Variants in GNG7 observed in about 807,000 individuals in gnomAD.
GNG7 encodes guanine nucleotide-binding protein G(I)/G(S)/G(O) subunit gamma-7.
In GNG7, 1 loss-of-function variant was observed where a neutral mutation model predicts 4.0. That is an observed-to-expected ratio of 0.25 (90% CI 0.09 to 1.18). GNG7 has a LOEUF of 1.18. Among genes scored for constraint, GNG7 ranks in the 50% most tolerant of loss-of-function variants. The probability of loss-of-function intolerance (pLI) is 0.50; values close to 1 mark genes in which losing one functional copy is unlikely to be tolerated. For synonymous variants in GNG7, 34 were observed against 36.9 expected (o/e 0.92, Z 0.29); for missense variants, 86 against 91.9 (o/e 0.94, Z 0.26).
intron 2 of GNG7, among the ~76,000 whole-genome samples, chr19:2,613,243 G>A (rs1456562949): frequency 5.9e-5 from 9 of 152,210 alleles, no homozygotes; most frequent in Admixed American, 5.2e-4. Context: ...AATTAGGTGA[G>A]TTTGCTTGAA....
At chr19:2,543,661 C>G (rs1323560992) in intron 3 of GNG7, among the ~76,000 whole-genome samples, 2 of 152,154 alleles carry the variant, frequency 1.3e-5, no homozygotes, top group Non-Finnish European at 1.5e-5. Flanking sequence ...GGCCAGCGGG[C>G]GTTTGCTCTC....
chr19:2,557,839 A>T lies in GNG7; in HGVS notation c.-77-2651T>A, dbSNP rs575832471. ...GGGTGACTCGGTGCATTTCTCTCTC[A>T]GGCTTACTTTTTTTCTCTTTGAGAC... On this transcript the variant is annotated intron_variant, in intron 2 of 4. Coordinates refer to ENST00000382159, the MANE Select transcript of GNG7 (RefSeq NM_052847.3). The surrounding 1 kb of genome is among the most constrained non-coding windows in gnomAD (Gnocchi z 5.1). 8.8e-4 allele frequency among the ~76,000 whole-genome samples: 134 copies of T among 152,076 alleles called. 2 individuals carry two copies. The highest frequency in any genetic ancestry group is 3.0e-3 in the African/African-American group (125 of 41,508).
intron 1 of GNG7, among the ~76,000 whole-genome samples, chr19:2,691,129 C>G (rs962219650): frequency 1.3e-5 from 2 of 152,128 alleles, no homozygotes; most frequent in Non-Finnish European, 2.9e-5. Flanking sequence ...TGTATGGGAA[C>G]TTTCTGTTCT....
chr19:2,557,165 C>T lies in GNG7; in HGVS notation c.-77-1977G>A, dbSNP rs569870273. Among the ~76,000 whole-genome samples, 7 of 151,894 alleles carry T rather than the reference C, an allele frequency of 4.6e-5. No individual in the cohort carries two copies. The highest frequency in any genetic ancestry group is 4.2e-4 in the South Asian group (2 of 4,806). ...TCACGCACATGCACACAAAGACACG[C>T]GCACACACGTACACACAAGACACGT... On this transcript the variant is annotated intron_variant, in intron 2 of 4. Coordinates refer to ENST00000382159, the MANE Select transcript of GNG7 (RefSeq NM_052847.3). The surrounding 1 kb of genome is among the most constrained non-coding windows in gnomAD (Gnocchi z 5.1).
chr19:2,636,394 A>G (rs77800456), intron 2 of GNG7, among the ~76,000 whole-genome samples: 3,321 of 152,164 alleles, frequency 0.022, 112 homozygotes, highest in African/African-American at 0.076. Flanking sequence ...CACCCTGAGG[A>G]GCATGACATC....
intron 1 of GNG7, among the ~76,000 whole-genome samples, chr19:2,664,112 C>T (rs964331614): frequency 8.5e-5 from 13 of 152,196 alleles, no homozygotes; most frequent in African/African-American, 2.2e-4. Flanking sequence ...CCCCCAGGCC[C>T]GGCTGCACTT....
At chr19:2,627,528 C>T (rs1982051225) in intron 2 of GNG7, among the ~76,000 whole-genome samples, 1 of 152,222 alleles carries the variant, frequency 6.6e-6, no homozygotes, top group Admixed American at 6.5e-5. Flanking sequence ...AAACACCCAC[C>T]CAGGCGTGCC....
At chr19:2,659,406 A>G (rs1040121259) in intron 1 of GNG7, among the ~76,000 whole-genome samples, 2 of 150,784 alleles carry the variant, frequency 1.3e-5, no homozygotes, top group African/African-American at 4.8e-5. Context: ...CCTGGCCAAC[A>G]TGGCAAAACT....
At chr19:2,597,362 C>T (rs1023095974) in intron 2 of GNG7, among the ~76,000 whole-genome samples, 5 of 152,140 alleles carry the variant, frequency 3.3e-5, no homozygotes, top group Admixed American at 6.6e-5. Context: ...TGTGGGAGGC[C>T]GAGGCAGGCG....
chr19:2,524,919 C>T (rs1363048118), intron 3 of GNG7, among the ~76,000 whole-genome samples: 1 of 152,076 alleles, frequency 6.6e-6, no homozygotes, highest in Admixed American at 6.6e-5. Flanking sequence ...CGTGTGTGTG[C>T]GCACGGGAGT....
chr19:2,520,464 G>C (rs898841493), intron 4 of GNG7, 144 bp downstream of exon 4: 2 of 565,500 alleles, frequency 3.5e-6, no homozygotes, highest in African/African-American at 3.8e-5. Flanking sequence ...GAGGCTCAGA[G>C]AGGTTAAGGG....
At chr19:2,543,897 C>T (rs1479640396) in intron 3 of GNG7, among the ~76,000 whole-genome samples, 1 of 152,182 alleles carries the variant, frequency 6.6e-6, no homozygotes, top group Non-Finnish European at 1.5e-5. Context: ...CAGAAGCAAC[C>T]TTCATCTGGC....
At chr19:2,542,881 C>CATT (rs538140136) in intron 3 of GNG7, among the ~76,000 whole-genome samples, 4 of 118,350 alleles carry the variant, frequency 3.4e-5, no homozygotes, top group Non-Finnish European at 5.1e-5. Flanking sequence ...TGCTGTTTTC[C>CATT]TTTTTTTTTT....
At chr19:2,548,721 G>A (rs1389936420) in intron 3 of GNG7, among the ~76,000 whole-genome samples, 2 of 152,078 alleles carry the variant, frequency 1.3e-5, no homozygotes, top group Non-Finnish European at 2.9e-5. Flanking sequence ...CCCACGTGGC[G>A]GAGGTCGCAG....
intron 1 of GNG7, among the ~76,000 whole-genome samples, chr19:2,651,361 TTCCCTCC>T (rs1982820561): frequency 3.8e-5 from 2 of 52,802 alleles, no homozygotes; most frequent in African/African-American, 1.6e-4. Flanking sequence ...CCTCCCTCCC[TTCCCTCC>T]ATCCCTCCCT....
chr19:2,548,537 C>G (rs1003368038), intron 3 of GNG7, among the ~76,000 whole-genome samples: 1 of 150,512 alleles, frequency 6.6e-6, no homozygotes, highest in Non-Finnish European at 1.5e-5. Context: ...ACCTGTAATC[C>G]CAGCACTTTG....
intron 3 of GNG7, among the ~76,000 whole-genome samples, chr19:2,533,433 A>T (rs983691395): frequency 1.3e-5 from 2 of 152,104 alleles, no homozygotes; most frequent in Non-Finnish European, 2.9e-5. Context: ...AAGGGCCATG[A>T]AATAACTTCT....
chr19:2,643,858 C>T, intron 2 of GNG7: 1 of 348,896 alleles, frequency 2.9e-6, no homozygotes. Flanking sequence ...CTGCCCCGAT[C>T]CCAACCCCCC....
chr19:2,696,292 G>GAAAGAAAGAAAGAAAGAA (rs1555705039), intron 1 of GNG7, among the ~76,000 whole-genome samples: 1 of 108,512 alleles, frequency 9.2e-6, no homozygotes, highest in Non-Finnish European at 1.8e-5. Context: ...AAGAGAGAGA[G>GAAAGAAAGAAAGAAAGAA]AGAAAGAAAG....
Sources: allele counts gnomAD v4.1 joint callset (sites outside exome capture counted in the v4.1 genomes callset), GRCh38; gene constraint gnomAD v4.1.1; non-coding constraint Gnocchi (gnomAD v3.1); transcripts MANE v1.5; gene names NCBI Gene and HGNC (gene_info 2026-07-23, HGNC 2026-07-21).